The following PRKAG2 variants were observed in gnomAD, a reference collection of about 807,000 sequenced individuals.
The protein encoded by PRKAG2 is protein kinase AMP-activated non-catalytic subunit gamma 2, also known as 5'-AMP-activated protein kinase subunit gamma-2.
A neutral mutation model predicts 69.6 loss-of-function variants in PRKAG2; 26 were observed. The ratio of observed to expected loss-of-function variants is 0.37; its 90% CI spans 0.27 to 0.52. PRKAG2 has a LOEUF of 0.52. PRKAG2 is among the 20% of genes least tolerant of loss of function. PRKAG2 has a pLI of 0.90. For missense variants in PRKAG2, 557 were observed against 740.0 expected (o/e 0.75, Z 2.87); for synonymous variants, 293 against 285.0 (o/e 1.03, Z -0.28).
At chr7:151,713,338 T>C (rs76582033) in intron 3 of PRKAG2, among the ~76,000 whole-genome samples, 5,678 of 152,246 alleles carry the variant, frequency 0.037, 367 homozygotes, top group African/African-American at 0.13. Flanking sequence ...GACCCTTTTG[T>C]TTAATTCTGA....
chr7:151,759,300 C>T (rs1264560303), intron 3 of PRKAG2, among the ~76,000 whole-genome samples: 1 of 152,192 alleles, frequency 6.6e-6, no homozygotes, highest in Non-Finnish European at 1.5e-5. Flanking sequence ...ATGTCAGAGG[C>T]TATTGCTGAC....
At chr7:151,723,757 G>A (rs1797492777) in intron 3 of PRKAG2, among the ~76,000 whole-genome samples, 1 of 152,146 alleles carries the variant, frequency 6.6e-6, no homozygotes, top group Non-Finnish European at 1.5e-5. Context: ...TGAGTGGCAG[G>A]TGAGTTGGTC....
chr7:151,834,972 C>T (rs944787867), intron 1 of PRKAG2, among the ~76,000 whole-genome samples: 1 of 151,764 alleles, frequency 6.6e-6, no homozygotes, highest in Admixed American at 6.6e-5. Flanking sequence ...ACCTTGATCT[C>T]CACCTTCATC....
In PRKAG2 at chr7:151,638,591, A is replaced by G. The variant is rs4725421; in HGVS notation, c.685-6453T>C. On this transcript the variant is annotated intron_variant, in intron 4 of 15. Coordinates refer to ENST00000287878, the MANE Select transcript of PRKAG2 (RefSeq NM_016203.4). This position sits in a 1 kb window ranked among gnomAD's most constrained non-coding sequence, Gnocchi z 4.3. ...GGAACTTGGAGTGAGCCAAGATTGC[A>G]CCACTGCACTCCAGCTTGGCGACAG... Among the ~76,000 whole-genome samples, 20,329 of 152,034 alleles carry G rather than the reference A, an allele frequency of 0.13. 1,552 individuals are homozygous for G. Among genetic ancestry groups the G allele is most frequent in the African/African-American group, 0.18 (7,591 of 41,448 alleles).
intron 1 of PRKAG2, among the ~76,000 whole-genome samples, chr7:151,819,566 T>C (rs1288426550): frequency 3.3e-5 from 5 of 152,232 alleles, no homozygotes; most frequent in Non-Finnish European, 7.3e-5. Context: ...GTAGAACTAA[T>C]AGTTCTAAAA....
rs1374345203 is a variant in PRKAG2, at chr7:151,850,842, C to A, written c.114+25665G>T. ...ATGCTGAAGATCTAGTCCCTCCCCCCACAGTCACTGATGGTGTCACTGAAA... is the reference window on the plus strand; with the variant it reads ...ATGCTGAAGATCTAGTCCCTCCCCCAACAGTCACTGATGGTGTCACTGAAA... On this transcript the variant is annotated intron_variant, in intron 1 of 15. Transcript: ENST00000287878. This position sits in a 1 kb window ranked among gnomAD's most constrained non-coding sequence, Gnocchi z 4.1. Among the ~76,000 whole-genome samples, 2 of 152,204 alleles carry A rather than the reference C, an allele frequency of 1.3e-5. No homozygotes were observed. Among genetic ancestry groups the A allele is most frequent in the African/African-American group, 4.8e-5 (2 of 41,450 alleles).
rs544369890 is a variant in PRKAG2, at chr7:151,567,159, G to T, written c.1234-1274C>A. Reference sequence around the variant, plus strand: ...ACCACTTAGTATCCACATGACTGGGGGCACGTTTCCCAGCCAGGTGTCCTG... The same window carrying T: ...ACCACTTAGTATCCACATGACTGGGTGCACGTTTCCCAGCCAGGTGTCCTG... On this transcript the variant is annotated intron_variant, in intron 11 of 15. Transcript: ENST00000287878. This position sits in a 1 kb window ranked among gnomAD's most constrained non-coding sequence, Gnocchi z 4.2. Among the ~76,000 whole-genome samples the T allele has an allele frequency of 6.6e-6, 1 of 152,128 alleles. No homozygotes were observed. The highest frequency in any genetic ancestry group is 1.5e-5 in the Non-Finnish European group (1 of 68,032).
chr7:151,797,749 C>T lies in PRKAG2; in HGVS notation c.115-11208G>A, dbSNP rs547580109. ...GGACTTAAAAAGCAAGCCAGGGCTT[C>T]CCAAGCCAAGCATAGTGAATAGAGG... On this transcript the variant is annotated intron_variant, in intron 1 of 15. Coordinates refer to ENST00000287878, the MANE Select transcript of PRKAG2 (RefSeq NM_016203.4). Among the ~76,000 whole-genome samples the T allele has an allele frequency of 5.3e-5, 8 of 152,308 alleles. No homozygotes were observed. The South Asian group carries it at 1.5e-3, about 28-fold the overall frequency.
Position 151,670,094 on chromosome 7 carries a change from G to A in PRKAG2, c.684+5326C>T, listed in dbSNP as rs1207435321. Among the ~76,000 whole-genome samples, 5 of 120,766 alleles carry A rather than the reference G, an allele frequency of 4.1e-5. No individual in the cohort carries two copies. The South Asian group carries it at 1.2e-3, about 28-fold the overall frequency. 79.2% of individuals were successfully genotyped at this position (120,766 alleles called of 152,430 possible). ...CACTCACCTGCATGCACACATACCTGCATGCACATACACCTGCATGCACAC... is the reference window on the plus strand; with the variant it reads ...CACTCACCTGCATGCACACATACCTACATGCACATACACCTGCATGCACAC... On this transcript the variant is annotated intron_variant, in intron 4 of 15. Transcript: ENST00000287878.
intron 5 of PRKAG2, among the ~76,000 whole-genome samples, chr7:151,617,287 G>A: frequency 8.3e-6 from 1 of 120,938 alleles, no homozygotes; most frequent in Non-Finnish European, 1.7e-5. Context: ...AGGGAAAGAG[G>A]GAGGGGGGGA....
chr7:151,655,560 T>C (rs1829291076), intron 4 of PRKAG2, among the ~76,000 whole-genome samples: 1 of 152,138 alleles, frequency 6.6e-6, no homozygotes. Context: ...ATTTATTAAA[T>C]TGCTCCAGGA....
At chr7:151,673,280 A>G (rs1313887102) in intron 4 of PRKAG2, among the ~76,000 whole-genome samples, 1 of 152,144 alleles carries the variant, frequency 6.6e-6, no homozygotes, top group African/African-American at 2.4e-5. Context: ...CTAATCCATG[A>G]TCCCTAGTCA....
chr7:151,829,165 T>A (rs548377182), intron 1 of PRKAG2, among the ~76,000 whole-genome samples: 2 of 152,278 alleles, frequency 1.3e-5, no homozygotes, highest in African/African-American at 4.8e-5. Flanking sequence ...AAAGAACTGT[T>A]CAACTCAATA....
chr7:151,857,148 C>T (rs1286983358), intron 1 of PRKAG2, among the ~76,000 whole-genome samples: 1 of 109,898 alleles, frequency 9.1e-6, no homozygotes, highest in Non-Finnish European at 2.1e-5. Flanking sequence ...AAAAAAAAAG[C>T]CCACAGGGAG....
intron 3 of PRKAG2, among the ~76,000 whole-genome samples, chr7:151,714,673 G>C (rs987684376): frequency 2.0e-4 from 31 of 152,246 alleles, no homozygotes; most frequent in African/African-American, 7.2e-4. Flanking sequence ...AAGTGGGCCG[G>C]GCGCAGTAGC....
chr7:151,747,048 C>T (rs1053913619), intron 3 of PRKAG2, among the ~76,000 whole-genome samples: 8 of 152,128 alleles, frequency 5.3e-5, no homozygotes, highest in African/African-American at 1.9e-4. Context: ...GGGTAGGTAC[C>T]ATTCAAGGCA....
chr7:151,865,766 T>C (rs111583464), intron 1 of PRKAG2, among the ~76,000 whole-genome samples: 1 of 152,258 alleles, frequency 6.6e-6, no homozygotes, highest in Non-Finnish European at 1.5e-5. Flanking sequence ...ACGCCTGTAA[T>C]CCCAGCACTT....
intron 1 of PRKAG2, among the ~76,000 whole-genome samples, chr7:151,875,209 G>C (rs1187579368): frequency 6.6e-6 from 1 of 152,244 alleles, no homozygotes; most frequent in Non-Finnish European, 1.5e-5. Context: ...TCCAGCCCCA[G>C]AGCTTTCCAG....
At chr7:151,618,760 G>A (rs1477008375) in intron 5 of PRKAG2, among the ~76,000 whole-genome samples, 1 of 152,014 alleles carries the variant, frequency 6.6e-6, no homozygotes, top group Non-Finnish European at 1.5e-5. Flanking sequence ...GAGAGATTCC[G>A]TCTCAAAAAA....
Sources: allele counts gnomAD v4.1 joint callset (sites outside exome capture counted in the v4.1 genomes callset), GRCh38; gene constraint gnomAD v4.1.1; non-coding constraint Gnocchi (gnomAD v3.1); transcripts MANE v1.5; gene names NCBI Gene and HGNC (gene_info 2026-07-23, HGNC 2026-07-21).